NKAIN3: variants seen among roughly 807,000 people sequenced by gnomAD.
NKAIN3 encodes sodium/potassium-transporting ATPase subunit beta-1-interacting protein 3.
NKAIN3 carries 25 observed loss-of-function variants against 30.2 expected under a neutral mutation model. That is an observed-to-expected ratio of 0.83 (90% CI 0.60 to 1.16). The LOEUF (loss-of-function observed/expected upper bound fraction) is 1.16, where lower values mean the gene tolerates loss of function less well. Among genes scored for constraint, NKAIN3 ranks in the 50% most tolerant of loss-of-function variants. The pLI is 0.00. For synonymous variants in NKAIN3, 91 were observed against 89.6 expected (o/e 1.02, Z -0.09); for missense variants, 225 against 254.1 (o/e 0.89, Z 0.78).
intron 3 of NKAIN3, among the ~76,000 whole-genome samples, chr8:62,654,947 C>T (rs1812723236): frequency 6.6e-6 from 1 of 152,086 alleles, no homozygotes; most frequent in Non-Finnish European, 1.5e-5. Context: ...TAGATGTAGT[C>T]CAGGCTGGAA....
intron 1 of NKAIN3, among the ~76,000 whole-genome samples, chr8:62,532,419 G>GGAAGGAAA (rs56081293): frequency 6.6e-6 from 1 of 151,892 alleles, no homozygotes; most frequent in Admixed American, 6.6e-5. Context: ...TGAAGCCCTG[G>GGAAGGAAA]CTGCATTCTA....
At chr8:62,482,007 C>T (rs1464399111) in intron 1 of NKAIN3, among the ~76,000 whole-genome samples, 1 of 152,178 alleles carries the variant, frequency 6.6e-6, no homozygotes, top group Admixed American at 6.5e-5. Flanking sequence ...GTGAATACCT[C>T]TCTGCTGTTT....
intron 1 of NKAIN3, chr8:62,482,215 T>C (rs1249675581): frequency 1.3e-5 from 2 of 152,198 alleles, no homozygotes; most frequent in Non-Finnish European, 2.9e-5. Flanking sequence ...AGGTTAATTT[T>C]TATTTCACAC....
At chr8:62,867,865 CCTTT>C (rs1820475726) in intron 4 of NKAIN3, among the ~76,000 whole-genome samples, 1 of 152,134 alleles carries the variant, frequency 6.6e-6, no homozygotes, top group Non-Finnish European at 1.5e-5. Flanking sequence ...GAAATAGATC[CCTTT>C]GTTTTATGTG....
At chr8:62,870,218 A>T (rs1178289439) in intron 4 of NKAIN3, among the ~76,000 whole-genome samples, 2 of 144,256 alleles carry the variant, frequency 1.4e-5, no homozygotes, top group Non-Finnish European at 3.0e-5. Flanking sequence ...GTATATATAT[A>T]TCTATATCTA....
intron 3 of NKAIN3, among the ~76,000 whole-genome samples, chr8:62,694,897 A>G (rs1267024137): frequency 6.6e-6 from 1 of 152,124 alleles, no homozygotes; most frequent in Non-Finnish European, 1.5e-5. Context: ...GCCTTTCTTA[A>G]CTCACGTCCT....
chr8:62,782,839 A>G (rs1418742778), intron 4 of NKAIN3, among the ~76,000 whole-genome samples: 2 of 151,074 alleles, frequency 1.3e-5, no homozygotes, highest in Non-Finnish European at 2.9e-5. Flanking sequence ...AATGGGTACA[A>G]AATGCAGTTA....
At chr8:62,353,519 G>C (rs1157681285) in intron 1 of NKAIN3, among the ~76,000 whole-genome samples, 1 of 152,106 alleles carries the variant, frequency 6.6e-6, no homozygotes, top group Non-Finnish European at 1.5e-5. Flanking sequence ...ATTTGTTAAT[G>C]TATGAATGGT....
intron 4 of NKAIN3, among the ~76,000 whole-genome samples, chr8:62,800,541 C>G (rs1394367643): frequency 6.6e-6 from 1 of 152,152 alleles, no homozygotes; most frequent in Non-Finnish European, 1.5e-5. Context: ...TGCAGACATA[C>G]AGCCTGCACC....
In NKAIN3 at chr8:62,883,456, G is replaced by GTTTTTTTTTTTTTTTTTTT. The variant is rs1563611107; in HGVS notation, c.472-34997_472-34996insTTTTTTTTTTTTTTTTTTT. ...GTTTATTATTTCCAGGAGTTTTATG[G>GTTTTTTTTTTTTTTTTTTT]GTTTTTTTTTTTTTTTTCAGATTTT... On this transcript the variant is annotated intron_variant, in intron 4 of 6. Coordinates refer to ENST00000623646, the MANE Select transcript of NKAIN3 (RefSeq NM_001304533.3). Among the ~76,000 whole-genome samples, 5 of 17,226 alleles carry GTTTTTTTTTTTTTTTTTTT rather than the reference G, an allele frequency of 2.9e-4. No individual in the cohort carries two copies. In the African/African-American group the frequency reaches 3.4e-3, roughly 12 times the overall value. 11.3% of individuals were successfully genotyped at this position (17,226 alleles called of 152,430 possible). A position where few individuals can be genotyped will look rare whatever the true frequency, so the allele number is the denominator to read the frequency against.
chr8:62,589,696 TC>T lies in NKAIN3; in HGVS notation c.193-13del. 2 of 1,260,468 alleles carry T rather than the reference TC, an allele frequency of 1.6e-6. No homozygotes were observed. Among genetic ancestry groups the T allele is most frequent in the Non-Finnish European group, 2.3e-6 (2 of 879,374 alleles). The allele number at this position is 1,260,468 out of a possible 1,614,324, so 78.1% of individuals were successfully genotyped here. On this transcript the variant is annotated splice_polypyrimidine_tract_variant and intron_variant, in intron 2 of 6. Transcript: ENST00000623646. ...TCCATATTTTTCTTCTCTTTCTCCCTCCCCCATTTCTATCTAGTATACAGTG... is the reference window on the plus strand; with the variant it reads ...TCCATATTTTTCTTCTCTTTCTCCCTCCCCATTTCTATCTAGTATACAGTG...
chr8:62,947,989 G>A (rs897805335), intron 5 of NKAIN3, among the ~76,000 whole-genome samples: 4 of 152,200 alleles, frequency 2.6e-5, no homozygotes, highest in Non-Finnish European at 5.9e-5. Flanking sequence ...ACACTGTTAT[G>A]TGGTTGGGTG....
chr8:62,923,671 G>C (rs533354085), intron 5 of NKAIN3, among the ~76,000 whole-genome samples: 7 of 152,188 alleles, frequency 4.6e-5, no homozygotes, highest in Admixed American at 4.6e-4. Context: ...TTACTTGAAA[G>C]GGATGCACTC....
chr8:62,799,972 T>A (rs1818001122), intron 4 of NKAIN3, among the ~76,000 whole-genome samples: 1 of 152,162 alleles, frequency 6.6e-6, no homozygotes, highest in South Asian at 2.1e-4. Flanking sequence ...ATATCATATG[T>A]TCTCACTCAT....
chr8:62,862,410 A>G (rs2130789266), intron 4 of NKAIN3, among the ~76,000 whole-genome samples: 1 of 152,262 alleles, frequency 6.6e-6, no homozygotes, highest in East Asian at 1.9e-4. Flanking sequence ...ACTAAAGTGC[A>G]CTTATATTTA....
At chr8:62,846,994 C>A (rs1386792427) in intron 4 of NKAIN3, among the ~76,000 whole-genome samples, 1 of 151,976 alleles carries the variant, frequency 6.6e-6, no homozygotes, top group Non-Finnish European at 1.5e-5. Context: ...AGAAACTGCC[C>A]CCGTGATTCA....
intron 4 of NKAIN3, among the ~76,000 whole-genome samples, chr8:62,876,803 G>T (rs1820808548): frequency 6.6e-6 from 1 of 151,958 alleles, no homozygotes; most frequent in African/African-American, 2.4e-5. Context: ...ATACACCAGG[G>T]CCTATTGAGG....
intron 3 of NKAIN3, among the ~76,000 whole-genome samples, chr8:62,619,494 C>T (rs1190147138): frequency 2.0e-5 from 3 of 152,052 alleles, no homozygotes; most frequent in Admixed American, 6.6e-5. Context: ...CCTGGAAGCC[C>T]CCGCTTTAAT....
At chr8:62,591,232 A>G (rs569079511) in intron 3 of NKAIN3, among the ~76,000 whole-genome samples, 3 of 152,020 alleles carry the variant, frequency 2.0e-5, no homozygotes, top group African/African-American at 7.2e-5. Flanking sequence ...AATTTGTCCT[A>G]TGGAATTGGC....
Sources: gnomAD v4.1 joint callset for allele counts (sites outside exome capture counted in the v4.1 genomes callset) on GRCh38, gnomAD v4.1.1 for gene constraint, MANE v1.5 for transcripts, NCBI Gene and HGNC (gene_info 2026-07-23, HGNC 2026-07-21) for gene names.